AFDN: variants seen among roughly 807,000 people sequenced by gnomAD.
The protein encoded by AFDN is afadin.
AFDN carries 68 observed loss-of-function variants against 216.6 expected under a neutral mutation model. The observed-to-expected ratio is 0.31, with a 90% CI of 0.26 to 0.38. The LOEUF is 0.38. Among genes scored for constraint, AFDN ranks in the 10% least tolerant of loss-of-function variants. The pLI is 1.00. For missense variants in AFDN, 2,136 were observed against 2,342.0 expected (o/e 0.91, Z 1.82); for synonymous variants, 868 against 853.7 (o/e 1.02, Z -0.29).
chr6:167,943,034 A>G (rs763462731), intron 23 of AFDN, 95 bp from the exon 24 acceptor site: 3 of 867,562 alleles, frequency 3.5e-6, no homozygotes, highest in African/African-American at 3.4e-5. Flanking sequence ...ATCTGTGTAC[A>G]TGTTGGGTGG....
At chr6:167,876,970 T>G (rs186373212) in intron 5 of AFDN, among the ~76,000 whole-genome samples, 2 of 152,260 alleles carry the variant, frequency 1.3e-5, no homozygotes, top group East Asian at 3.9e-4. Flanking sequence ...TCTGGAGAGA[T>G]GACTGTGGAA....
Position 167,918,866 on chromosome 6 carries a change from T to C in AFDN, c.2841T>C (p.Tyr947=). Residue 947 remains tyrosine, a synonymous_variant, in exon 21 of 34, where the codon TAT becomes TAC. Transcript: ENST00000683244. ...QLPFLLPEDG[Y]SCDVVRNIPN... ...CGTTTCTTTTGCCAGAAGATGGTTA[T>C]TCTTGTGATGTTGTCAGAAACATTC... The C allele has an allele frequency of 6.2e-7, 1 of 1,613,830 alleles. No homozygotes were observed. The highest frequency in any genetic ancestry group is 1.1e-5 in the South Asian group (1 of 90,966).
At chr6:167,849,253 T>C (rs1466180283) in intron 1 of AFDN, among the ~76,000 whole-genome samples, 1 of 152,216 alleles carries the variant, frequency 6.6e-6, no homozygotes, top group Non-Finnish European at 1.5e-5. Flanking sequence ...CATTAGTATT[T>C]GTGGGTTTTT....
At chr6:167,858,282 G>A (rs1783127821) in intron 1 of AFDN, among the ~76,000 whole-genome samples, 1 of 152,102 alleles carries the variant, frequency 6.6e-6, no homozygotes, top group South Asian at 2.1e-4. Context: ...AGATAATGTT[G>A]GCAGTTATAA....
chr6:167,928,138 C>CT lies in AFDN; in HGVS notation c.3099+3048dup, dbSNP rs1792809869. Reference sequence around the variant, plus strand: ...CTATTTGTTTCCTATAGATTCAAGTCTAATTTACTTCTGCATTCAGTCTTT... The same window carrying CT: ...CTATTTGTTTCCTATAGATTCAAGTCTTAATTTACTTCTGCATTCAGTCTTT... On this transcript the variant is annotated intron_variant, in intron 23 of 33. Coordinates refer to ENST00000683244, the MANE Select transcript of AFDN (RefSeq NM_001386888.1). Among the ~76,000 whole-genome samples the CT allele has an allele frequency of 2.6e-5, 4 of 152,316 alleles. No homozygotes were observed. In the South Asian group the frequency reaches 8.3e-4, roughly 32 times the overall value.
intron 2 of AFDN, 84 bp from the exon 3 acceptor site, chr6:167,870,301 TA>T: frequency 1.3e-6 from 1 of 755,148 alleles, no homozygotes; most frequent in East Asian, 2.7e-5. Context: ...TCTATAAAAT[TA>T]AATGTATATC....
intron 1 of AFDN, among the ~76,000 whole-genome samples, chr6:167,834,857 C>T (rs904555137): frequency 2.0e-5 from 3 of 152,042 alleles, no homozygotes; most frequent in Admixed American, 6.5e-5. Context: ...TGGCACATAC[C>T]TGTGTTCCCA....
Position 167,852,186 on chromosome 6 carries a change from G to A in AFDN, c.106-12365G>A, listed in dbSNP as rs139580383. Reference sequence around the variant, plus strand: ...AATTCTTTGTTATTATCTGTTATTCGGTCCATACTGAGATTCCCTATATCT... The same window carrying A: ...AATTCTTTGTTATTATCTGTTATTCAGTCCATACTGAGATTCCCTATATCT... On this transcript the variant is annotated intron_variant, in intron 1 of 33. Coordinates refer to ENST00000683244, the MANE Select transcript of AFDN (RefSeq NM_001386888.1). 2.7e-3 allele frequency among the ~76,000 whole-genome samples: 412 copies of A among 151,938 alleles called. 1 individual carries two copies. Among genetic ancestry groups the A allele is most frequent in the African/African-American group, 9.6e-3 (397 of 41,448 alleles).
intron 23 of AFDN, among the ~76,000 whole-genome samples, chr6:167,938,266 A>G (rs1794254681): frequency 6.6e-6 from 1 of 152,190 alleles, no homozygotes; most frequent in Non-Finnish European, 1.5e-5. Context: ...GTCAGATAGA[A>G]TGGGAAGAGG....
At chr6:167,899,641 C>A (rs1166670300) in intron 11 of AFDN, among the ~76,000 whole-genome samples, 2 of 152,162 alleles carry the variant, frequency 1.3e-5, no homozygotes, top group Non-Finnish European at 2.9e-5. Flanking sequence ...TTCTTCCCTT[C>A]AGCATCAAAA....
intron 1 of AFDN, among the ~76,000 whole-genome samples, chr6:167,851,644 G>A (rs980939945): frequency 2.1e-4 from 32 of 152,296 alleles, no homozygotes; most frequent in African/African-American, 7.0e-4. Flanking sequence ...TTTATAGACA[G>A]GGAACTTGAG....
intron 1 of AFDN, among the ~76,000 whole-genome samples, chr6:167,830,413 T>C (rs1466375981): frequency 1.3e-5 from 2 of 152,242 alleles, no homozygotes; most frequent in African/African-American, 4.8e-5. Flanking sequence ...GTGGAAAGAA[T>C]GTTGAATATG....
At chr6:167,969,295 C>G in intron 33 of AFDN, 97 bp downstream of exon 33, 1 of 921,080 alleles carries the variant, frequency 1.1e-6, no homozygotes, top group Non-Finnish European at 1.8e-6. Context: ...GACTTCATGG[C>G]TTCACTCTGT....
chr6:167,943,542 G>A, intron 25 of AFDN, 67 bp downstream of exon 25: 1 of 1,265,384 alleles, frequency 7.9e-7, no homozygotes, highest in Non-Finnish European at 1.2e-6. Context: ...ATTAAATGTT[G>A]AAATTGGAAG....
chr6:167,894,042 G>A (rs1419688807), intron 9 of AFDN, 136 bp downstream of exon 9: 1 of 668,040 alleles, frequency 1.5e-6, no homozygotes, highest in East Asian at 2.9e-5. Flanking sequence ...GAAATTTAAT[G>A]TACTGTCATT....
intron 1 of AFDN, among the ~76,000 whole-genome samples, chr6:167,854,249 C>G (rs982062847): frequency 6.6e-6 from 1 of 151,914 alleles, no homozygotes; most frequent in African/African-American, 2.4e-5. Context: ...TGTATGCTGC[C>G]TGAAGGTTTT....
intron 6 of AFDN, among the ~76,000 whole-genome samples, chr6:167,884,779 T>C (rs1267631069): frequency 3.3e-5 from 5 of 152,172 alleles, no homozygotes; most frequent in Admixed American, 2.6e-4. Context: ...TGGCCTCAAC[T>C]TAAAGTCACC....
At chr6:167,905,711 A>G (rs1393668860) in intron 12 of AFDN, among the ~76,000 whole-genome samples, 1 of 145,856 alleles carries the variant, frequency 6.9e-6, no homozygotes, top group Non-Finnish European at 1.5e-5. Flanking sequence ...AACATACTCT[A>G]ATTTCTTTAT....
chr6:167,967,051 C>T (rs1052775544), intron 32 of AFDN, among the ~76,000 whole-genome samples: 1 of 152,088 alleles, frequency 6.6e-6, no homozygotes, highest in African/African-American at 2.4e-5. Flanking sequence ...CTGTCACAGG[C>T]GTGGGTTCAG....
Sources: gnomAD v4.1 joint callset for allele counts (sites outside exome capture counted in the v4.1 genomes callset) on GRCh38, gnomAD v4.1.1 for gene constraint, MANE v1.5 for transcripts, NCBI Gene and HGNC (gene_info 2026-07-23, HGNC 2026-07-21) for gene names.